The following PPFIBP1 variants were observed in gnomAD, a reference collection of about 807,000 sequenced individuals.
PPFIBP1 encodes liprin-beta-1.
Under a neutral mutation model 137.8 loss-of-function variants are expected in PPFIBP1, and 112 were observed. The observed-to-expected ratio is 0.81, with a 90% CI of 0.70 to 0.95. The LOEUF (loss-of-function observed/expected upper bound fraction) is 0.95. PPFIBP1 is among the 40% of genes least tolerant of loss of function. The pLI is 0.00. For synonymous variants in PPFIBP1, 378 were observed against 417.3 expected (o/e 0.91, Z 1.15); for missense variants, 1,083 against 1,196.6 (o/e 0.91, Z 1.40).
Position 27,658,865 on chromosome 12 carries a change from T to G in PPFIBP1, c.844+17T>G, listed in dbSNP as rs1336933720. ...AAGAAAAAAGTAAGGTTTGGTGCAT[T>G]TCCATCAGCCTTTACATTCACCAAA... On this transcript the variant is annotated intron_variant, in intron 10 of 29. Coordinates refer to ENST00000228425, the MANE Select transcript of PPFIBP1 (RefSeq NM_003622.4). 6.2e-7 allele frequency: 1 copy of G among 1,610,152 alleles called. No homozygotes were observed. The highest frequency in any genetic ancestry group is 8.5e-7 in the Non-Finnish European group (1 of 1,176,908).
chr12:27,549,508 A>G (rs1946551828), intron 1 of PPFIBP1: 1 of 152,024 alleles, frequency 6.6e-6, no homozygotes, highest in Non-Finnish European at 1.5e-5. Context: ...GGAAGTGTGT[A>G]CTATGCAGAG....
intron 1 of PPFIBP1, among the ~76,000 whole-genome samples, 191 bp from the exon 2 acceptor site, chr12:27,577,961 C>T (rs181581160): frequency 2.0e-4 from 30 of 151,852 alleles, no homozygotes; most frequent in African/African-American, 6.5e-4. Context: ...GAGTGCTGGA[C>T]GGGGAAGAAG....
At position 27,692,467 on chromosome 12, in the gene PPFIBP1, T is replaced by A. The variant is rs2061606500; in HGVS notation, c.2866-124T>A. On this transcript the variant is annotated intron_variant, in intron 28 of 29. Transcript: ENST00000228425. Reference sequence around the variant, plus strand: ...TGAAAGGAGATTATCACCAGAAGTGTTCTGTTGCTCTTACCCCATTCAGTG... The same window carrying A: ...TGAAAGGAGATTATCACCAGAAGTGATCTGTTGCTCTTACCCCATTCAGTG... 3.6e-6 allele frequency: 3 copies of A among 841,048 alleles called. No homozygotes were observed. The East Asian group carries it at 7.6e-5, about 21-fold the overall frequency. 52.1% of individuals were successfully genotyped at this position (841,048 alleles called of 1,614,324 possible). A position where few individuals can be genotyped will look rare whatever the true frequency, so the allele number is the denominator to read the frequency against.
chr12:27,659,967 AT>A (rs141273840), intron 10 of PPFIBP1, among the ~76,000 whole-genome samples: 11 of 149,392 alleles, frequency 7.4e-5, no homozygotes, highest in East Asian at 1.9e-4. Context: ...ATCTTCAGTA[AT>A]TTTTTTTTTC....
intron 9 of PPFIBP1, chr12:27,657,101 T>C (rs2288226): frequency 0.57 from 92,400 of 160,892 alleles, 26,830 homozygotes; most frequent in East Asian, 0.76. Context: ...TTAGATAAAG[T>C]AAGGGACTTA....
At chr12:27,586,645 A>G (rs529076734) in intron 2 of PPFIBP1, among the ~76,000 whole-genome samples, 1 of 152,172 alleles carries the variant, frequency 6.6e-6, no homozygotes, top group South Asian at 2.1e-4. Flanking sequence ...TGCAGTGAGC[A>G]GAGATCATGC....
chr12:27,665,012 ACCAC>A (rs1330121810), intron 12 of PPFIBP1, among the ~76,000 whole-genome samples: 1 of 152,178 alleles, frequency 6.6e-6, no homozygotes, highest in Non-Finnish European at 1.5e-5. Flanking sequence ...ACATGGTGAT[ACCAC>A]GTCTCTACTA....
chr12:27,655,458 G>A (rs190093457), intron 8 of PPFIBP1, among the ~76,000 whole-genome samples: 23 of 152,274 alleles, frequency 1.5e-4, no homozygotes. Context: ...TAAAAAGAAA[G>A]AATTTATAAA....
intron 19 of PPFIBP1, among the ~76,000 whole-genome samples, chr12:27,678,881 A>AAAAAAAAAAAAAC (rs2060707182): frequency 3.5e-5 from 5 of 143,282 alleles, no homozygotes; most frequent in African/African-American, 1.4e-4. Context: ...AAAAAAAAAA[A>AAAAAAAAAAAAAC]CATTTAAGAG....
chr12:27,635,424 G>T, intron 4 of PPFIBP1: 1 of 514,104 alleles, frequency 1.9e-6, no homozygotes, highest in Non-Finnish European at 3.4e-6. Context: ...AAAGAATCTT[G>T]CACATGATAG....
At chr12:27,536,982 T>C (rs1209345516) in intron 1 of PPFIBP1, among the ~76,000 whole-genome samples, 2 of 152,154 alleles carry the variant, frequency 1.3e-5, no homozygotes, top group Admixed American at 6.5e-5. Flanking sequence ...GGGGACTCTC[T>C]TCTGGTCATC....
chr12:27,659,802 G>A (rs2059432300), intron 10 of PPFIBP1, among the ~76,000 whole-genome samples: 1 of 152,164 alleles, frequency 6.6e-6, no homozygotes, highest in South Asian at 2.1e-4. Context: ...TAAGAAGACT[G>A]GATGTGGTGG....
At chr12:27,608,421 T>C (rs2054750466) in intron 2 of PPFIBP1, among the ~76,000 whole-genome samples, 1 of 152,208 alleles carries the variant, frequency 6.6e-6, no homozygotes, top group Admixed American at 6.5e-5. Context: ...CTTTCTGTTA[T>C]AGGATATGGA....
chr12:27,692,724 C>T, intron 29 of PPFIBP1, 68 bp downstream of exon 29: 1 of 1,613,816 alleles, frequency 6.2e-7, no homozygotes, highest in South Asian at 1.1e-5. Context: ...CAAAGGACCA[C>T]ATGTCTCTTG....
chr12:27,656,626 C>T lies in PPFIBP1; in HGVS notation c.707C>T (p.Ala236Val), dbSNP rs2139792589. ...KKLKSTKDEL[A>V]SLKEQLEEKE... is the part of the protein sequence containing the mutation. The stretch of plus-strand genomic sequence containing the variant: ...ATTTGTAACTTGTAGGATGAACTGG[C>T]ATCTTTAAAAGAACAACTAGAAGAA... The change falls in exon 9 of 30, where the codon GCA (alanine) becomes GTA (valine). Residue 236 changes from alanine (A) to valine (V), a missense_variant. Ala to Val is a moderately conservative substitution (Grantham distance 64). Coordinates refer to ENST00000228425, the MANE Select transcript of PPFIBP1 (RefSeq NM_003622.4). 2 of 1,600,940 alleles carry T rather than the reference C, an allele frequency of 1.2e-6. No individual in the cohort carries two copies. The highest frequency in any genetic ancestry group is 2.2e-5 in the East Asian group (1 of 44,736).
At chr12:27,611,840 G>C (rs1326977056) in intron 2 of PPFIBP1, among the ~76,000 whole-genome samples, 1 of 150,716 alleles carries the variant, frequency 6.6e-6, no homozygotes, top group Non-Finnish European at 1.5e-5. Context: ...GAGTCATTAG[G>C]CCAAAAAATG....
At chr12:27,621,225 T>C (rs1454608515) in intron 2 of PPFIBP1, among the ~76,000 whole-genome samples, 1 of 152,196 alleles carries the variant, frequency 6.6e-6, no homozygotes, top group Non-Finnish European at 1.5e-5. Context: ...CCACCATAGA[T>C]GATACGTAAA....
In PPFIBP1 at chr12:27,620,884, T is replaced by C. The variant is rs116946766; in HGVS notation, c.-35-12478T>C. 3.9e-5 allele frequency among the ~76,000 whole-genome samples: 6 copies of C among 152,354 alleles called. No individual in the cohort carries two copies. The East Asian group carries it at 1.2e-3, about 29-fold the overall frequency. ...CAATCACCTTCTCACCTGCTATATA[T>C]TTAAACTGTTTATTTTTTGTGGTTT... On this transcript the variant is annotated intron_variant, in intron 2 of 29. Transcript: ENST00000228425.
intron 1 of PPFIBP1, among the ~76,000 whole-genome samples, chr12:27,545,715 A>C (rs1269238152): frequency 2.0e-5 from 3 of 152,250 alleles, no homozygotes; most frequent in Middle Eastern, 3.2e-3. Flanking sequence ...CAACTTGGCA[A>C]GAGTAAAATC....
Sources: allele counts gnomAD v4.1 joint callset (sites outside exome capture counted in the v4.1 genomes callset), GRCh38; gene constraint gnomAD v4.1.1; transcripts MANE v1.5; gene names NCBI Gene and HGNC (gene_info 2026-07-23, HGNC 2026-07-21).